DCC: variants seen among roughly 807,000 people sequenced by gnomAD.
DCC encodes netrin receptor DCC.
DCC carries 58 observed loss-of-function variants against 172.5 expected under a neutral mutation model. The observed-to-expected ratio is 0.34, with a 90% CI of 0.27 to 0.42. The LOEUF is 0.42. Ranked by LOEUF, DCC falls within the 10% of genes least tolerant of loss-of-function variation. The probability of loss-of-function intolerance (pLI) is 1.00; values close to 1 mark genes in which losing one functional copy is unlikely to be tolerated. For missense variants in DCC, 1,740 were observed against 1,791.0 expected (o/e 0.97, Z 0.51); for synonymous variants, 709 against 644.5 (o/e 1.10, Z -1.52).
rs1163695108 is a variant in DCC at position 52,780,189 on chromosome 18, ATC to A, written c.412+27817_412+27818del. On this transcript the variant is annotated intron_variant, in intron 2 of 28. Coordinates refer to ENST00000442544, the MANE Select transcript of DCC (RefSeq NM_005215.4). ...TACATAGTATTTTTAGTTGAATTTC[ATC>A]TGTTTTTCCTTTATATGAGATTCAA... Among the ~76,000 whole-genome samples the A allele has an allele frequency of 4.6e-5, 7 of 152,156 alleles. No homozygotes were observed. In the South Asian group the frequency reaches 1.2e-3, roughly 27 times the overall value.
chr18:52,938,521 C>A (rs16955873), intron 5 of DCC, among the ~76,000 whole-genome samples: 9,110 of 151,956 alleles, frequency 0.06, 364 homozygotes, highest in South Asian at 0.15. Context: ...GAGGGGAGCT[C>A]AAGAATCATA....
At chr18:53,031,105 A>T (rs1166344139) in intron 5 of DCC, among the ~76,000 whole-genome samples, 1 of 152,090 alleles carries the variant, frequency 6.6e-6, no homozygotes, top group African/African-American at 2.4e-5. Flanking sequence ...CTAAAAATAC[A>T]AAAATTAGCC....
intron 2 of DCC, among the ~76,000 whole-genome samples, chr18:52,798,175 G>A (rs1261274056): frequency 2.9e-5 from 4 of 137,788 alleles, no homozygotes; most frequent in East Asian, 4.0e-4. Flanking sequence ...CCCAGGCCTC[G>A]AACAATGTGT....
chr18:52,810,550 G>A (rs908154934), intron 2 of DCC, among the ~76,000 whole-genome samples: 8 of 152,188 alleles, frequency 5.3e-5, no homozygotes, highest in Non-Finnish European at 7.3e-5. Context: ...GGGGGACATA[G>A]GGATGTTCCC....
At chr18:52,442,036 A>G (rs944267254) in intron 1 of DCC, among the ~76,000 whole-genome samples, 1 of 152,158 alleles carries the variant, frequency 6.6e-6, no homozygotes, top group Non-Finnish European at 1.5e-5. Context: ...GAGTCAATCA[A>G]ATGAGCATTA....
chr18:52,633,763 T>C (rs1324895856), intron 1 of DCC, among the ~76,000 whole-genome samples: 1 of 152,154 alleles, frequency 6.6e-6, no homozygotes, highest in Non-Finnish European at 1.5e-5. Context: ...CTCCAAACAC[T>C]GTAACAGAGA....
At chr18:53,190,706 G>T (rs2055353862) in intron 9 of DCC, among the ~76,000 whole-genome samples, 1 of 152,140 alleles carries the variant, frequency 6.6e-6, no homozygotes. Flanking sequence ...CAGCACTTTG[G>T]GAGGCTGAGG....
chr18:52,416,863 T>C (rs147458026), intron 1 of DCC, among the ~76,000 whole-genome samples: 14 of 152,068 alleles, frequency 9.2e-5, no homozygotes, highest in African/African-American at 3.4e-4. Context: ...GAGCATTTAG[T>C]CCATTTACAT....
chr18:53,047,452 TATATATATATA>T, intron 5 of DCC, among the ~76,000 whole-genome samples: 1 of 100,888 alleles, frequency 9.9e-6, no homozygotes, highest in African/African-American at 4.1e-5. Context: ...TATATATATA[TATATATATATA>T]CCATTTTTGC....
At chr18:52,821,027 TTC>T (rs1274075259) in intron 2 of DCC, among the ~76,000 whole-genome samples, 1 of 152,174 alleles carries the variant, frequency 6.6e-6, no homozygotes, top group Non-Finnish European at 1.5e-5. Context: ...GCTGAATTTG[TTC>T]TCTCATTTTA....
intron 2 of DCC, among the ~76,000 whole-genome samples, chr18:52,835,807 T>C (rs186862439): frequency 3.0e-4 from 45 of 152,356 alleles, no homozygotes; most frequent in African/African-American, 1.0e-3. Context: ...ATACGCATTT[T>C]ATTTTTAAAA....
intron 22 of DCC, 96 bp from the exon 23 acceptor site, chr18:53,450,404 C>T: frequency 7.1e-7 from 1 of 1,411,946 alleles, no homozygotes; most frequent in Non-Finnish European, 1.0e-6. Context: ...TCAGAAAAGC[C>T]CAGAACATTA....
At chr18:52,667,223 G>T (rs950510235) in intron 1 of DCC, among the ~76,000 whole-genome samples, 1 of 152,176 alleles carries the variant, frequency 6.6e-6, no homozygotes, top group African/African-American at 2.4e-5. Context: ...AGGGCTGAAG[G>T]TAACTTTGGT....
chr18:52,996,291 T>TA (rs1216822741), intron 5 of DCC, among the ~76,000 whole-genome samples: 1 of 152,002 alleles, frequency 6.6e-6, no homozygotes, highest in East Asian at 1.9e-4. Flanking sequence ...TATTGTTGTT[T>TA]AAAAGAATGA....
chr18:52,518,330 G>A (rs571895577), intron 1 of DCC, among the ~76,000 whole-genome samples: 29 of 152,296 alleles, frequency 1.9e-4, no homozygotes, highest in African/African-American at 7.0e-4. Context: ...CCCAAGGAAA[G>A]GTGGAACCCA....
intron 15 of DCC, among the ~76,000 whole-genome samples, chr18:53,358,554 C>CTTTTT (rs2057906615): frequency 1.1e-5 from 1 of 88,246 alleles, no homozygotes; most frequent in Non-Finnish European, 2.0e-5. Context: ...TTTTTTTTTG[C>CTTTTT]GACAGAGTCT....
chr18:52,792,189 G>A (rs183965739), intron 2 of DCC, among the ~76,000 whole-genome samples: 3 of 139,574 alleles, frequency 2.1e-5, no homozygotes, highest in Admixed American at 7.3e-5. Context: ...TGCTCACTGT[G>A]GGGGGTGCGA....
intron 7 of DCC, among the ~76,000 whole-genome samples, chr18:53,110,926 G>A (rs1172643898): frequency 1.6e-4 from 20 of 123,602 alleles, no homozygotes; most frequent in African/African-American, 5.7e-4. Flanking sequence ...TATAAATCAT[G>A]CTGCTATAAA....
intron 2 of DCC, among the ~76,000 whole-genome samples, chr18:52,758,305 C>T (rs1256237160): frequency 1.3e-5 from 2 of 151,982 alleles, no homozygotes; most frequent in Non-Finnish European, 2.9e-5. Flanking sequence ...ACAATTCAGG[C>T]GAAGTTTGCA....
Sources: gnomAD v4.1 joint callset for allele counts (sites outside exome capture counted in the v4.1 genomes callset) on GRCh38, gnomAD v4.1.1 for gene constraint, MANE v1.5 for transcripts, NCBI Gene and HGNC (gene_info 2026-07-23, HGNC 2026-07-21) for gene names.